DLC1: variants seen among roughly 807,000 people sequenced by gnomAD.
DLC1 encodes the protein rho GTPase-activating protein 7.
DLC1 carries 54 observed loss-of-function variants against 140.3 expected under a neutral mutation model. That is an observed-to-expected ratio of 0.38 (90% CI 0.31 to 0.48). The LOEUF is 0.48. DLC1 is among the 20% of genes least tolerant of loss of function. The pLI is 0.96. For missense variants in DLC1, 2,536 were observed against 1,907.0 expected (o/e 1.33, Z -6.14); for synonymous variants, 986 against 728.1 (o/e 1.35, Z -5.70).
At chr8:13,522,997 A>T (rs937998437) in intron 1 of DLC1, among the ~76,000 whole-genome samples, 1 of 152,152 alleles carries the variant, frequency 6.6e-6, no homozygotes, top group East Asian at 1.9e-4. Context: ...GGAGAGAGAG[A>T]GGGAGAATAT....
chr8:13,397,703 A>G (rs1837110785), intron 3 of DLC1, among the ~76,000 whole-genome samples: 1 of 152,002 alleles, frequency 6.6e-6, no homozygotes. Context: ...AGGCATGGTA[A>G]TGTGCGCTTG....
chr8:13,582,124 C>G (rs1805123109), intron 1 of DLC1, among the ~76,000 whole-genome samples: 1 of 152,096 alleles, frequency 6.6e-6, no homozygotes, highest in Non-Finnish European at 1.5e-5. Flanking sequence ...TCTATAGCCT[C>G]TGGAGGTCAT....
intron 1 of DLC1, among the ~76,000 whole-genome samples, chr8:13,541,111 C>T (rs1361293070): frequency 1.3e-5 from 2 of 152,126 alleles, no homozygotes; most frequent in African/African-American, 4.8e-5. Context: ...GACACCTGTC[C>T]AGATCATTGT....
At chr8:13,567,473 G>GA (rs1804487930) in intron 1 of DLC1, 1 of 1,551,988 alleles carries the variant, frequency 6.4e-7, no homozygotes, top group Admixed American at 2.0e-5. Flanking sequence ...GCTTCAGAGA[G>GA]AGATGCCTTT....
At chr8:13,337,545 G>A (rs73663590) in intron 4 of DLC1, among the ~76,000 whole-genome samples, 1,595 of 152,160 alleles carry the variant, frequency 0.01, 28 homozygotes, top group African/African-American at 0.036. Context: ...GGAAAAATTA[G>A]GGCACAGATT....
chr8:13,465,832 A>G (rs1317791367), intron 2 of DLC1, among the ~76,000 whole-genome samples: 1 of 152,076 alleles, frequency 6.6e-6, no homozygotes, highest in East Asian at 1.9e-4. Context: ...AATGCCTCTC[A>G]TTGGTTCTGT....
In DLC1 at chr8:13,085,611, C is replaced by T. The variant is rs527550603; in HGVS notation, c.*200G>A. ...TTTTTTTGCACAGTCTTACATATTCCAGTCAAGGTCTATGAATACAGACCC... is the reference window on the plus strand; with the variant it reads ...TTTTTTTGCACAGTCTTACATATTCTAGTCAAGGTCTATGAATACAGACCC... On this transcript the variant is annotated 3_prime_UTR_variant, in exon 18 of 18. Coordinates refer to ENST00000276297, the MANE Select transcript of DLC1 (RefSeq NM_182643.3). 3.1e-6 allele frequency: 2 copies of T among 651,756 alleles called. No individual in the cohort carries two copies. Among genetic ancestry groups the T allele is most frequent in the Non-Finnish European group, 4.7e-6 (2 of 425,442 alleles). 40.4% of individuals were successfully genotyped at this position (651,756 alleles called of 1,614,324 possible).
At chr8:13,446,019 C>G (rs1798758774) in intron 2 of DLC1, among the ~76,000 whole-genome samples, 1 of 152,164 alleles carries the variant, frequency 6.6e-6, no homozygotes, top group Admixed American at 6.5e-5. Context: ...TAGTGATCAG[C>G]TCACGGGCAA....
chr8:13,342,836 T>TTCTCTCTCTCTCTCTC (rs1206303018), intron 4 of DLC1: 6 of 126,276 alleles, frequency 4.8e-5, no homozygotes, highest in East Asian at 2.0e-4. Context: ...TCAGTTGTGC[T>TTCTCTCTCTCTCTCTC]TCTCTCTCTC....
chr8:13,601,460 G>A (rs1406185246), intron 1 of DLC1, among the ~76,000 whole-genome samples: 3 of 151,846 alleles, frequency 2.0e-5, no homozygotes, highest in African/African-American at 2.4e-5. Context: ...TTAGAGATGG[G>A]CCAAAAAGGA....
chr8:13,173,424 C>G (rs948774919), intron 5 of DLC1, among the ~76,000 whole-genome samples: 1 of 132,492 alleles, frequency 7.5e-6, no homozygotes, highest in East Asian at 2.5e-4. Flanking sequence ...CAGGCTGGAG[C>G]GCAGTGGCGC....
At chr8:13,230,005 T>C (rs960111049) in intron 5 of DLC1, among the ~76,000 whole-genome samples, 13 of 152,230 alleles carry the variant, frequency 8.5e-5, no homozygotes, top group Non-Finnish European at 1.5e-5. Context: ...GCACAGACAC[T>C]ACTGATGGAG....
At chr8:13,484,647 A>C (rs1245399820) in intron 2 of DLC1, among the ~76,000 whole-genome samples, 1 of 152,062 alleles carries the variant, frequency 6.6e-6, no homozygotes, top group Non-Finnish European at 1.5e-5. Flanking sequence ...TTGGTTTCAT[A>C]GTTTCACAAC....
At chr8:13,587,578 G>T (rs866923635) in intron 1 of DLC1, among the ~76,000 whole-genome samples, 1 of 136,778 alleles carries the variant, frequency 7.3e-6, no homozygotes, top group African/African-American at 2.7e-5. Context: ...CAGAGAGAGA[G>T]AAAATATATA....
intron 4 of DLC1, among the ~76,000 whole-genome samples, chr8:13,318,974 A>G (rs560497439): frequency 6.6e-6 from 1 of 152,322 alleles, no homozygotes; most frequent in African/African-American, 2.4e-5. Flanking sequence ...CTGCAAAGAA[A>G]CACAATTGAG....
intron 5 of DLC1, among the ~76,000 whole-genome samples, chr8:13,186,566 A>T (rs1821078): frequency 0.67 from 102,346 of 151,976 alleles, 35,165 homozygotes; most frequent in East Asian, 0.86. Context: ...TTTTTCAAGG[A>T]TTTTAGTTTC....
chr8:13,587,803 T>G (rs1805382388), intron 1 of DLC1, among the ~76,000 whole-genome samples: 1 of 151,910 alleles, frequency 6.6e-6, no homozygotes, highest in Non-Finnish European at 1.5e-5. Flanking sequence ...CAAGTTTCTA[T>G]CAGTACTCTA....
intron 4 of DLC1, among the ~76,000 whole-genome samples, chr8:13,351,502 G>C (rs1353461548): frequency 6.6e-6 from 1 of 151,962 alleles, no homozygotes; most frequent in East Asian, 1.9e-4. Context: ...TACATTTTTT[G>C]GATGTTTGGA....
At chr8:13,261,852 A>G (rs371842706) in intron 5 of DLC1, among the ~76,000 whole-genome samples, 13 of 152,362 alleles carry the variant, frequency 8.5e-5, no homozygotes, top group South Asian at 4.1e-4. Context: ...CTTTCAGGAC[A>G]TGTTTCAGCA....
Sources: allele counts gnomAD v4.1 joint callset (sites outside exome capture counted in the v4.1 genomes callset), GRCh38; gene constraint gnomAD v4.1.1; transcripts MANE v1.5; gene names NCBI Gene and HGNC (gene_info 2026-07-23, HGNC 2026-07-21).